Variants in PRKN observed in about 807,000 individuals in gnomAD.
The protein encoded by PRKN is parkin RBR E3 ubiquitin protein ligase, also known as E3 ubiquitin-protein ligase parkin.
Under a neutral mutation model 59.5 loss-of-function variants are expected in PRKN, and 56 were observed. The ratio of observed to expected loss-of-function variants is 0.94; its 90% CI spans 0.76 to 1.18. The LOEUF is 1.18. Ranked by LOEUF, PRKN falls within the 50% of genes most tolerant of loss-of-function variation. The probability of loss-of-function intolerance (pLI) is 0.00; values close to 1 mark genes in which losing one functional copy is unlikely to be tolerated. For synonymous variants in PRKN, 250 were observed against 222.1 expected (o/e 1.13, Z -1.12); for missense variants, 657 against 596.4 (o/e 1.10, Z -1.06).
intron 6 of PRKN, among the ~76,000 whole-genome samples, chr6:161,968,135 C>T (rs1420198282): frequency 6.6e-6 from 1 of 151,934 alleles, no homozygotes; most frequent in Non-Finnish European, 1.5e-5. Flanking sequence ...ATTATCCTGC[C>T]TCAGCCTCCC....
chr6:162,365,692 T>A (rs1487298947), intron 2 of PRKN, among the ~76,000 whole-genome samples: 1 of 152,128 alleles, frequency 6.6e-6, no homozygotes, highest in African/African-American at 2.4e-5. Flanking sequence ...CTTGGTGAGG[T>A]CTTTCTAGAG....
At chr6:162,607,613 G>A (rs934971349) in intron 1 of PRKN, among the ~76,000 whole-genome samples, 17 of 151,994 alleles carry the variant, frequency 1.1e-4, no homozygotes, top group Admixed American at 1.1e-3. Flanking sequence ...GATAAGATGA[G>A]GCTGAATATA....
At chr6:161,859,711 A>C (rs1793813142) in intron 6 of PRKN, among the ~76,000 whole-genome samples, 1 of 151,960 alleles carries the variant, frequency 6.6e-6, no homozygotes, top group Non-Finnish European at 1.5e-5. Context: ...ACATTTGTAA[A>C]GGTCCCATGG....
At chr6:162,186,674 A>C (rs1052989552) in intron 4 of PRKN, among the ~76,000 whole-genome samples, 1 of 152,208 alleles carries the variant, frequency 6.6e-6, no homozygotes, top group Non-Finnish European at 1.5e-5. Context: ...GCAGTTTCTC[A>C]TGAGTGGCTT....
At chr6:162,038,881 G>A (rs921143703) in intron 5 of PRKN, among the ~76,000 whole-genome samples, 7 of 152,142 alleles carry the variant, frequency 4.6e-5, no homozygotes, top group East Asian at 3.9e-4. Context: ...CTGGCCGGGC[G>A]CGGTGGTTCA....
intron 1 of PRKN, among the ~76,000 whole-genome samples, chr6:162,563,190 G>A (rs1221186810): frequency 2.0e-5 from 3 of 152,096 alleles, no homozygotes; most frequent in African/African-American, 4.8e-5. Flanking sequence ...TGTAGTCCCA[G>A]CTACTCGGGA....
At chr6:161,603,680 C>G (rs772620097) in intron 7 of PRKN, among the ~76,000 whole-genome samples, 1 of 152,126 alleles carries the variant, frequency 6.6e-6, no homozygotes, top group Non-Finnish European at 1.5e-5. Context: ...TAACTCCTTC[C>G]GTATCATTTT....
At chr6:161,708,876 C>G (rs1786624226) in intron 7 of PRKN, among the ~76,000 whole-genome samples, 1 of 152,154 alleles carries the variant, frequency 6.6e-6, no homozygotes. Context: ...TGAAGAAAAC[C>G]CAGTCTCTGT....
At chr6:162,579,653 A>G (rs111694511) in intron 1 of PRKN, among the ~76,000 whole-genome samples, 3,130 of 151,590 alleles carry the variant, frequency 0.021, 106 homozygotes, top group African/African-American at 0.071. Flanking sequence ...ATTTACACAA[A>G]TTCACACACA....
intron 1 of PRKN, among the ~76,000 whole-genome samples, chr6:162,480,901 G>T (rs9365447): frequency 0.31 from 46,323 of 151,802 alleles, 7,389 homozygotes; most frequent in East Asian, 0.49. Context: ...CGCCTCCTGG[G>T]TTCAAGTGAT....
At chr6:162,552,835 C>T (rs1017836518) in intron 1 of PRKN, among the ~76,000 whole-genome samples, 3 of 152,050 alleles carry the variant, frequency 2.0e-5, no homozygotes, top group Non-Finnish European at 4.4e-5. Context: ...TGTTCAGGTT[C>T]AAGCCAGAAA....
intron 2 of PRKN, among the ~76,000 whole-genome samples, chr6:162,310,326 C>G (rs1782439101): frequency 6.6e-6 from 1 of 152,136 alleles, no homozygotes; most frequent in African/African-American, 2.4e-5. Context: ...TGCCCTGCCT[C>G]TACCAGGCCA....
chr6:161,863,662 T>C (rs1055123854), intron 6 of PRKN, among the ~76,000 whole-genome samples: 1 of 152,126 alleles, frequency 6.6e-6, no homozygotes, highest in Admixed American at 6.6e-5. Flanking sequence ...AATGAAAATC[T>C]CTACACTTCC....
In PRKN at chr6:161,359,877, C is replaced by T. The variant is rs1784907615; in HGVS notation, c.1285+211G>A. On this transcript the variant is annotated intron_variant, in intron 11 of 11. Coordinates refer to ENST00000366898, the MANE Select transcript of PRKN (RefSeq NM_004562.3). This position sits in a 1 kb window ranked among gnomAD's most constrained non-coding sequence, Gnocchi z 5.4. ...CAACCACATAAATGCTAACTGTGTG[C>T]CTCACATAGCCATGGAACTACTCAC... is the stretch of plus-strand genomic sequence containing the variant. Among the ~76,000 whole-genome samples, 1 of 152,168 alleles carries T rather than the reference C, an allele frequency of 6.6e-6. No individual in the cohort carries two copies. The highest frequency in any genetic ancestry group is 6.5e-5 in the Admixed American group (1 of 15,284).
chr6:161,941,401 T>C (rs1779561605), intron 6 of PRKN, among the ~76,000 whole-genome samples: 1 of 152,130 alleles, frequency 6.6e-6, no homozygotes, highest in African/African-American at 2.4e-5. Context: ...TTGGAGGAGA[T>C]CCCAGGCTGC....
chr6:161,649,795 TA>T (rs1455086544), intron 7 of PRKN, among the ~76,000 whole-genome samples: 1 of 152,202 alleles, frequency 6.6e-6, no homozygotes, highest in Non-Finnish European at 1.5e-5. Context: ...CACTGAGTGG[TA>T]GGGACAATGT....
rs138754393 is a variant in PRKN at position 161,772,619 on chromosome 6, C to T, written c.871+13153G>A. 7.7e-3 allele frequency among the ~76,000 whole-genome samples: 1,167 copies of T among 152,252 alleles called. 9 individuals are homozygous for T. Among genetic ancestry groups the T allele is most frequent in the Middle Eastern group, 0.051 (15 of 294 alleles). On this transcript the variant is annotated intron_variant, in intron 7 of 11. Transcript: ENST00000366898. ...TACAATTCATCAAACAAATATAAGA[C>T]GCACTCTCACCAAAGTGCAATAAAC...
intron 7 of PRKN, among the ~76,000 whole-genome samples, chr6:161,655,440 G>A (rs562179297): frequency 1.5e-4 from 23 of 151,714 alleles, no homozygotes; most frequent in East Asian, 9.8e-4. Flanking sequence ...CCATTGGCAC[G>A]GGCCTGGCCC....
intron 1 of PRKN, among the ~76,000 whole-genome samples, chr6:162,479,099 T>G (rs542589188): frequency 8.1e-4 from 124 of 152,318 alleles, no homozygotes; most frequent in Non-Finnish European, 1.4e-3. Flanking sequence ...ACTTTTTAAC[T>G]TTTTGACTCT....
Sources: allele counts gnomAD v4.1 joint callset (sites outside exome capture counted in the v4.1 genomes callset), GRCh38; gene constraint gnomAD v4.1.1; non-coding constraint Gnocchi (gnomAD v3.1); transcripts MANE v1.5; gene names NCBI Gene and HGNC (gene_info 2026-07-23, HGNC 2026-07-21).